The following PIGF variants were observed in gnomAD, a reference collection of about 807,000 sequenced individuals.
The protein encoded by PIGF is phosphatidylinositol glycan anchor biosynthesis class F.
A neutral mutation model predicts 26.0 loss-of-function variants in PIGF; 23 were observed. The observed-to-expected ratio is 0.88, with a 90% CI of 0.64 to 1.25. The LOEUF (loss-of-function observed/expected upper bound fraction) is 1.25, where lower values mean the gene tolerates loss of function less well. Among genes scored for constraint, PIGF ranks in the 50% most tolerant of loss-of-function variants. PIGF has a pLI of 0.00. For synonymous variants in PIGF, 93 were observed against 92.6 expected, an observed-to-expected ratio of 1.00 and a Z score of -0.03; for missense variants, 278 against 249.9, an observed-to-expected ratio of 1.11 and a Z score of -0.76.
intron 4 of PIGF, among the ~76,000 whole-genome samples, chr2:46,603,500 T>TA (rs139582879): frequency 0.17 from 25,388 of 151,912 alleles, 3,420 homozygotes; most frequent in African/African-American, 0.37. Flanking sequence ...GGTACTGGCA[T>TA]AAAAACAGGC....
Position 46,613,121 on chromosome 2 carries a change from C to T in PIGF, c.320+573G>A, listed in dbSNP as rs147941709. On this transcript the variant is annotated intron_variant, in intron 3 of 5. Coordinates refer to ENST00000281382, the MANE Select transcript of PIGF (RefSeq NM_002643.4). ...GTATATGTATATGTATCTCATCACT[C>T]ATTTCACCATGATCATTAATCACTG... Among the ~76,000 whole-genome samples the T allele has an allele frequency of 7.1e-3, 1,073 of 151,974 alleles. 5 individuals carry two copies. Among genetic ancestry groups the T allele is most frequent in the Non-Finnish European group, 0.011 (738 of 67,922 alleles).
intron 4 of PIGF, among the ~76,000 whole-genome samples, chr2:46,609,219 T>C (rs1670322608): frequency 6.6e-6 from 1 of 152,262 alleles, no homozygotes; most frequent in Non-Finnish European, 1.5e-5. Context: ...ATGGCCTCTT[T>C]CCTTAAGCCT....
chr2:46,597,610 C>T (rs531718959), intron 4 of PIGF, among the ~76,000 whole-genome samples: 51 of 152,228 alleles, frequency 3.4e-4, no homozygotes, highest in East Asian at 9.7e-4. Flanking sequence ...TGGGGTTTCA[C>T]CTTGTTGGCC....
At position 46,614,901 on chromosome 2, in the gene PIGF, C is replaced by G. The variant is rs765620771; in HGVS notation, c.228+36G>C. 4.2e-6 allele frequency: 4 copies of G among 946,810 alleles called. No homozygotes were observed. The African/African-American group carries it at 4.9e-5, about 11-fold the overall frequency. 58.7% of individuals were successfully genotyped at this position (946,810 alleles called of 1,614,324 possible). A position where few individuals can be genotyped will look rare whatever the true frequency, so the allele number is the denominator to read the frequency against. ...TCTTCCATTAAAAGAAACACTAGCTCCATCCAAAAATCAGTTATTGAGACA... is the reference window on the plus strand; with the variant it reads ...TCTTCCATTAAAAGAAACACTAGCTGCATCCAAAAATCAGTTATTGAGACA... On this transcript the variant is annotated intron_variant, in intron 2 of 5. Coordinates refer to ENST00000281382, the MANE Select transcript of PIGF (RefSeq NM_002643.4).
rs1670664277 is a variant in PIGF at position 46,617,006 on chromosome 2, A to G, written c.-58T>C. 3 of 568,110 alleles carry G rather than the reference A, an allele frequency of 5.3e-6. No homozygotes were observed. Among genetic ancestry groups the G allele is most frequent in the African/African-American group, 3.8e-5 (2 of 51,972 alleles). The allele number at this position is 568,110 out of a possible 1,614,324, so 35.2% of individuals were successfully genotyped here. ...TCCCGCGGAAGGGAAGCGGGGAACT[A>G]CTGCCTCCTACCATCAGGTACGACG... On this transcript the variant is annotated 5_prime_UTR_variant, in exon 1 of 6. Coordinates refer to ENST00000281382, the MANE Select transcript of PIGF (RefSeq NM_002643.4).
chr2:46,581,272 T>C lies in PIGF; in HGVS notation c.*206A>G. The C allele has an allele frequency of 1.0e-6, 1 of 963,328 alleles. No individual in the cohort carries two copies. Among genetic ancestry groups the C allele is most frequent in the African/African-American group, 1.6e-5 (1 of 60,690 alleles). 59.7% of individuals were successfully genotyped at this position (963,328 alleles called of 1,614,324 possible). On this transcript the variant is annotated 3_prime_UTR_variant, in exon 6 of 6. Transcript: ENST00000281382. Reference sequence around the variant, plus strand: ...AAGGTTTAAGAAGCAGTAAGCAGCATCTGAAGCCACAATCTATTATAAATA... The same window carrying C: ...AAGGTTTAAGAAGCAGTAAGCAGCACCTGAAGCCACAATCTATTATAAATA...
At chr2:46,593,275 GGTGT>G (rs1423740402) in intron 4 of PIGF, among the ~76,000 whole-genome samples, 1 of 152,042 alleles carries the variant, frequency 6.6e-6, no homozygotes, top group Non-Finnish European at 1.5e-5. Context: ...TGGGATTACA[GGTGT>G]GTGCCACCAT....
At chr2:46,591,495 ATTTT>A (rs1669721414) in intron 5 of PIGF, 1 of 833,796 alleles carries the variant, frequency 1.2e-6, no homozygotes, top group Admixed American at 6.2e-5. Flanking sequence ...AAGCACATTT[ATTTT>A]TTAATACCAT....
In PIGF at chr2:46,612,834, T is replaced by C. The variant is rs77689662; in HGVS notation, c.321-490A>G. ...GTGGGGGCTCTACCCCTAGAGTTTCTGACTGAAGCTTGAGTATTTGCATTT... is the reference window on the plus strand; with the variant it reads ...GTGGGGGCTCTACCCCTAGAGTTTCCGACTGAAGCTTGAGTATTTGCATTT... On this transcript the variant is annotated intron_variant, in intron 3 of 5. Coordinates refer to ENST00000281382, the MANE Select transcript of PIGF (RefSeq NM_002643.4). Among the ~76,000 whole-genome samples, 58 of 152,320 alleles carry C rather than the reference T, an allele frequency of 3.8e-4. 1 individual carries two copies. Among genetic ancestry groups the C allele is most frequent in the African/African-American group, 1.3e-3 (54 of 41,564 alleles).
intron 4 of PIGF, among the ~76,000 whole-genome samples, chr2:46,603,012 A>G (rs1397217480): frequency 6.6e-6 from 1 of 152,098 alleles, no homozygotes; most frequent in African/African-American, 2.4e-5. Flanking sequence ...AATTGAATAA[A>G]GTTGCAGGAT....
At chr2:46,586,720 T>A (rs756490607) in intron 5 of PIGF, among the ~76,000 whole-genome samples, 4 of 152,250 alleles carry the variant, frequency 2.6e-5, no homozygotes, top group Admixed American at 6.5e-5. Flanking sequence ...ACCTACTGGT[T>A]ATAAATAATC....
chr2:46,592,250 CAT>C (rs1230368852), intron 5 of PIGF, among the ~76,000 whole-genome samples: 2 of 152,124 alleles, frequency 1.3e-5, no homozygotes, highest in African/African-American at 2.4e-5. Flanking sequence ...TTCATCTACA[CAT>C]GTGCAAAAAA....
rs772022000 is a variant in PIGF, at chr2:46,588,223, C to T, written c.546+4252G>A. 1.2e-5 allele frequency: 20 copies of T among 1,604,208 alleles called. No individual in the cohort carries two copies. Among genetic ancestry groups the T allele is most frequent in the Non-Finnish European group, 1.7e-5 (20 of 1,176,360 alleles). On this transcript the variant is annotated intron_variant, in intron 5 of 5. Coordinates refer to ENST00000281382, the MANE Select transcript of PIGF (RefSeq NM_002643.4). The surrounding 1 kb of genome is among the most constrained non-coding windows in gnomAD (Gnocchi z 4.1). ...TTGAAAATTATGTGAAATCCAAATA[C>T]CCTAAATTGGCATAACTAAATACCA...
chr2:46,615,221 A>G, intron 1 of PIGF, 36 bp from the exon 2 acceptor site: 2 of 835,010 alleles, frequency 2.4e-6, no homozygotes, highest in Non-Finnish European at 4.0e-6. Flanking sequence ...CATATGCAAT[A>G]ACGACTTTTT....
chr2:46,612,311 A>T lies in PIGF; in HGVS notation c.354T>A (p.Ile118=), dbSNP rs1670447074. 7.5e-6 allele frequency: 11 copies of T among 1,467,132 alleles called. 1 individual carries two copies. The East Asian group carries it at 2.8e-4, about 37-fold the overall frequency. The allele number at this position is 1,467,132 out of a possible 1,614,324, so 90.9% of individuals were successfully genotyped here. ...LALETFLFAV[I]LSTFTTVPCL... ...AAGGCACAGTAGTAAAAGTAGACAA[A>T]ATAACTGCAAATAAAAATGTTTCCA... is the stretch of plus-strand genomic sequence containing the variant. Residue 118 remains isoleucine, a synonymous_variant, in exon 4 of 6, where the codon ATT becomes ATA. Transcript: ENST00000281382.
chr2:46,590,394 A>G (rs1250791067), intron 5 of PIGF, among the ~76,000 whole-genome samples: 2 of 152,104 alleles, frequency 1.3e-5, no homozygotes, highest in African/African-American at 2.4e-5. Flanking sequence ...AAACCTAAAC[A>G]CATATTTTAT....
At chr2:46,599,434 T>C (rs111736735) in intron 4 of PIGF, among the ~76,000 whole-genome samples, 6,350 of 152,228 alleles carry the variant, frequency 0.042, 158 homozygotes, top group African/African-American at 0.083. Flanking sequence ...CTTGTTTGCA[T>C]CCCTTTCATT....
chr2:46,589,112 AAAC>A lies in PIGF; in HGVS notation c.546+3360_546+3362del, dbSNP rs1281932818. On this transcript the variant is annotated intron_variant, in intron 5 of 5. Coordinates refer to ENST00000281382, the MANE Select transcript of PIGF (RefSeq NM_002643.4). The surrounding 1 kb of genome is among the most constrained non-coding windows in gnomAD (Gnocchi z 4.7). ...GCAAGAAGATGACTTTAAAGTATTAAAACAACAACAAAGATGACCAACAGTATA... is the reference window on the plus strand; with the variant it reads ...GCAAGAAGATGACTTTAAAGTATTAAAACAACAAAGATGACCAACAGTATA... Among the ~76,000 whole-genome samples, 2 of 152,076 alleles carry A rather than the reference AAAC, an allele frequency of 1.3e-5. No individual in the cohort carries two copies. Among genetic ancestry groups the A allele is most frequent in the Admixed American group, 1.3e-4 (2 of 15,264 alleles).
At position 46,588,385 on chromosome 2, in the gene PIGF, G is replaced by T; in HGVS notation, c.546+4090C>A. 3.4e-6 allele frequency: 2 copies of T among 580,940 alleles called. No individual in the cohort carries two copies. Among genetic ancestry groups the T allele is most frequent in the Non-Finnish European group, 5.6e-6 (2 of 359,158 alleles). The allele number at this position is 580,940 out of a possible 1,614,324, so 36.0% of individuals were successfully genotyped here. On this transcript the variant is annotated intron_variant, in intron 5 of 5. Coordinates refer to ENST00000281382, the MANE Select transcript of PIGF (RefSeq NM_002643.4). This position sits in a 1 kb window ranked among gnomAD's most constrained non-coding sequence, Gnocchi z 4.1. ...ATAAATCATGGAATTTGCATTTTTT[G>T]AAGGCTAAAAATATAGTCATTAAAC...
Sources: gnomAD v4.1 joint callset for allele counts (sites outside exome capture counted in the v4.1 genomes callset) on GRCh38, gnomAD v4.1.1 for gene constraint, Gnocchi (gnomAD v3.1) non-coding constraint, MANE v1.5 for transcripts, NCBI Gene and HGNC (gene_info 2026-07-23, HGNC 2026-07-21) for gene names.